RANBP17: variants seen among roughly 807,000 people sequenced by gnomAD.
RANBP17 encodes RAN binding protein 17, also known as ran-binding protein 17.
In RANBP17, 158 loss-of-function variants were observed where a neutral mutation model predicts 141.2. That is an observed-to-expected ratio of 1.12 (90% confidence interval 0.98 to 1.28). The LOEUF (loss-of-function observed/expected upper bound fraction) is 1.28. RANBP17 is among the 50% of genes most tolerant of loss of function. RANBP17 has a pLI of 0.00. For missense variants in RANBP17, 1,438 were observed against 1,290.7 expected (o/e 1.11, Z -1.75); for synonymous variants, 430 against 450.0 (o/e 0.96, Z 0.56).
At chr5:171,128,393 A>G (rs1756655624) in intron 14 of RANBP17, among the ~76,000 whole-genome samples, 1 of 152,176 alleles carries the variant, frequency 6.6e-6, no homozygotes, top group South Asian at 2.1e-4. Flanking sequence ...TCATTATATT[A>G]AGTCAAACAA....
chr5:171,039,831 T>A (rs1454804377), intron 14 of RANBP17, among the ~76,000 whole-genome samples: 1 of 152,092 alleles, frequency 6.6e-6, no homozygotes, highest in Non-Finnish European at 1.5e-5. Context: ...CAGGAAGAAA[T>A]TGAAGCCCCG....
At chr5:171,025,575 T>C (rs75695888) in intron 14 of RANBP17, among the ~76,000 whole-genome samples, 1 of 143,726 alleles carries the variant, frequency 7.0e-6, no homozygotes, top group Non-Finnish European at 1.5e-5. Context: ...CCTTTTTTTT[T>C]TCTTTTTTTC....
chr5:171,225,419 C>A (rs1270806752), intron 22 of RANBP17, among the ~76,000 whole-genome samples: 1 of 152,230 alleles, frequency 6.6e-6, no homozygotes, highest in Non-Finnish European at 1.5e-5. Context: ...CATCAGCCAT[C>A]TGATTTGTCT....
chr5:171,194,507 G>T (rs1374446777), intron 18 of RANBP17, among the ~76,000 whole-genome samples: 2 of 152,064 alleles, frequency 1.3e-5, no homozygotes, highest in African/African-American at 4.8e-5. Context: ...TGTTTTCAAG[G>T]CACATTCATG....
chr5:171,285,831 TA>T (rs1469431518), intron 25 of RANBP17, among the ~76,000 whole-genome samples: 1 of 152,222 alleles, frequency 6.6e-6, no homozygotes, highest in African/African-American at 2.4e-5. Flanking sequence ...CCATGGAAAA[TA>T]AAACTGCTTT....
At chr5:171,134,849 G>A (rs1395490664) in intron 14 of RANBP17, among the ~76,000 whole-genome samples, 1 of 152,108 alleles carries the variant, frequency 6.6e-6, no homozygotes, top group Non-Finnish European at 1.5e-5. Flanking sequence ...TTGACCCTGG[G>A]AAGCAGAGGT....
At chr5:171,044,754 T>C (rs1381062685) in intron 14 of RANBP17, among the ~76,000 whole-genome samples, 1 of 152,140 alleles carries the variant, frequency 6.6e-6, no homozygotes, top group Non-Finnish European at 1.5e-5. Context: ...CCAGTTTGAT[T>C]TGATTTGTGT....
chr5:170,969,449 CAG>C (rs949883622), intron 14 of RANBP17, among the ~76,000 whole-genome samples: 3 of 151,846 alleles, frequency 2.0e-5, no homozygotes, highest in African/African-American at 7.2e-5. Flanking sequence ...ATTTATATAA[CAG>C]AGTGCCTTTT....
intron 22 of RANBP17, among the ~76,000 whole-genome samples, chr5:171,238,808 G>C (rs1472552791): frequency 1.3e-5 from 2 of 152,160 alleles, no homozygotes; most frequent in East Asian, 3.8e-4. Context: ...ACAAGTCCAT[G>C]TGGCAACTTC....
At chr5:171,260,300 CAAA>C (rs35656692) in intron 24 of RANBP17, among the ~76,000 whole-genome samples, 4 of 108,584 alleles carry the variant, frequency 3.7e-5, no homozygotes, top group African/African-American at 1.5e-4. Flanking sequence ...GACTCCATCT[CAAA>C]AAAAAAAAAA....
intron 13 of RANBP17, among the ~76,000 whole-genome samples, chr5:170,966,018 C>T (rs1776533553): frequency 6.6e-6 from 1 of 151,960 alleles, no homozygotes; most frequent in Non-Finnish European, 1.5e-5. Context: ...CTGAATAGAC[C>T]AATAACAGGC....
At chr5:171,185,547 T>C (rs1460521462) in intron 18 of RANBP17, among the ~76,000 whole-genome samples, 3 of 152,236 alleles carry the variant, frequency 2.0e-5, no homozygotes, top group African/African-American at 7.2e-5. Flanking sequence ...ACAGCGTCTT[T>C]ACCACAAGTA....
At chr5:170,940,774 G>A (rs1238401756) in intron 12 of RANBP17, among the ~76,000 whole-genome samples, 1 of 152,016 alleles carries the variant, frequency 6.6e-6, no homozygotes, top group African/African-American at 2.4e-5. Flanking sequence ...TAAAACACTG[G>A]AACCAACAGT....
At chr5:170,998,060 G>C (rs1778942671) in intron 14 of RANBP17, among the ~76,000 whole-genome samples, 1 of 150,740 alleles carries the variant, frequency 6.6e-6, no homozygotes, top group African/African-American at 2.4e-5. Context: ...GACCAGCCTG[G>C]CTAACATGGA....
At chr5:171,014,429 C>T (rs1342822235) in intron 14 of RANBP17, among the ~76,000 whole-genome samples, 8 of 151,898 alleles carry the variant, frequency 5.3e-5, no homozygotes, top group Non-Finnish European at 5.9e-5. Context: ...TATTTATCTC[C>T]CTTTTTGAAC....
intron 14 of RANBP17, among the ~76,000 whole-genome samples, chr5:171,118,713 A>T (rs912920052): frequency 6.6e-6 from 1 of 152,066 alleles, no homozygotes; most frequent in African/African-American, 2.4e-5. Context: ...TGCCTTCTTG[A>T]TTTCTTTTTC....
rs557236971 is a variant in RANBP17, at chr5:170,909,794, G to C, written c.594+29G>C. Reference sequence around the variant, plus strand: ...AGTTATTTGATAATTCAACTTCCTAGTTAGAATATTTGGGAAATTTTAAGA... The same window carrying C: ...AGTTATTTGATAATTCAACTTCCTACTTAGAATATTTGGGAAATTTTAAGA... On this transcript the variant is annotated intron_variant, in intron 6 of 27. Coordinates refer to ENST00000523189, the MANE Select transcript of RANBP17 (RefSeq NM_022897.5). 3.6e-6 allele frequency: 4 copies of C among 1,117,014 alleles called. No homozygotes were observed. In the African/African-American group the frequency reaches 4.7e-5, roughly 13 times the overall value. The allele number at this position is 1,117,014 out of a possible 1,614,324, so 69.2% of individuals were successfully genotyped here. A position where few individuals can be genotyped will look rare whatever the true frequency, so the allele number is the denominator to read the frequency against.
intron 14 of RANBP17, among the ~76,000 whole-genome samples, chr5:171,092,095 A>G (rs1161513655): frequency 1.3e-5 from 2 of 152,200 alleles, no homozygotes; most frequent in Non-Finnish European, 2.9e-5. Flanking sequence ...GTGATCTTTA[A>G]TGGTTCATTC....
rs187601195 is a variant in RANBP17, at chr5:171,214,284, G to A, written c.2339+546G>A. Among the ~76,000 whole-genome samples the A allele has an allele frequency of 4.6e-5, 7 of 152,272 alleles. No homozygotes were observed. In the East Asian group the frequency reaches 1.3e-3, roughly 29 times the overall value. On this transcript the variant is annotated intron_variant, in intron 21 of 27. Coordinates refer to ENST00000523189, the MANE Select transcript of RANBP17 (RefSeq NM_022897.5). ...TTTATACACTCACAGTTTTCATTGA[G>A]AGAGCAACTATAATACTTCTCTGAA...
Sources: allele counts gnomAD v4.1 joint callset (sites outside exome capture counted in the v4.1 genomes callset), GRCh38; gene constraint gnomAD v4.1.1; transcripts MANE v1.5; gene names NCBI Gene and HGNC (gene_info 2026-07-23, HGNC 2026-07-21).